Variants in SPG7 observed in about 807,000 individuals in gnomAD.
SPG7 encodes the protein SPG7 matrix AAA peptidase subunit, paraplegin.
SPG7 carries 103 observed loss-of-function variants against 81.9 expected under a neutral mutation model. The ratio of observed to expected loss-of-function variants is 1.26; its 90% confidence interval spans 1.07 to 1.48. The LOEUF is 1.48. Ranked by LOEUF, SPG7 falls within the 40% of genes most tolerant of loss-of-function variation. The probability of loss-of-function intolerance (pLI) is 0.00; values close to 1 mark genes in which losing one functional copy is unlikely to be tolerated. For synonymous variants in SPG7, 534 were observed against 444.2 expected (o/e 1.20, Z -2.54); for missense variants, 1,241 against 1,087.3 (o/e 1.14, Z -1.99).
chr16:89,553,677 C>T (rs529135441), intron 14 of SPG7, 117 bp from the exon 15 acceptor site: 160 of 1,002,504 alleles, frequency 1.6e-4, no homozygotes, highest in Middle Eastern at 2.5e-4. Context: ...GGTGGGTCCT[C>T]GGGAGGAAGG....
At chr16:89,544,265 A>C in intron 9 of SPG7, 1 of 317,006 alleles carries the variant, frequency 3.2e-6, no homozygotes, top group East Asian at 8.4e-5. Flanking sequence ...TCACAGCCTA[A>C]AGCTGGGTGT....
chr16:89,523,660 C>T (rs1233742839), intron 3 of SPG7: 3 of 470,002 alleles, frequency 6.4e-6, no homozygotes, highest in Admixed American at 4.7e-5. Flanking sequence ...CGGCTCACTG[C>T]AGCTTCAACC....
chr16:89,550,531 A>T lies in SPG7; in HGVS notation c.1701A>T (p.Glu567Asp). 2 of 1,614,044 alleles carry T rather than the reference A, an allele frequency of 1.2e-6. No homozygotes were observed. The highest frequency in any genetic ancestry group is 8.5e-7 in the Non-Finnish European group (1 of 1,180,010). ...AKKSKILSKE[E>D]QKVVAFHESG... ...AGAGCAAGATCCTGTCCAAGGAAGA[A>T]CAGAAAGTGGTTGCGTTTCATGAGT... Residue 567 changes from glutamate to aspartate, a missense_variant, in exon 13 of 17, where the codon GAA becomes GAT. Transcript: ENST00000645818.
At chr16:89,517,933 T>C (rs1276576652) in intron 3 of SPG7, 1 of 152,246 alleles carries the variant, frequency 6.6e-6, no homozygotes, top group Non-Finnish European at 1.5e-5. Flanking sequence ...GATTGTTTTA[T>C]GTTTATTCTG....
Position 89,553,097 on chromosome 16 carries a change from G to A in SPG7, c.1898G>A (p.Arg633Gln), listed in dbSNP as rs755972952. The A allele has an allele frequency of 1.2e-5, 20 of 1,612,686 alleles. No individual in the cohort carries two copies. Among genetic ancestry groups the A allele is most frequent in the African/African-American group, 9.3e-5 (7 of 74,906 alleles). Residue 633 changes from arginine to glutamine, a missense_variant, in exon 14 of 17, where the codon CGG (arginine) becomes CAG (glutamine). Coordinates refer to ENST00000645818, the MANE Select transcript of SPG7 (RefSeq NM_003119.4). Reference protein sequence around the residue: ...FERMCMALGGRASEALSFNEV... With the variant: ...FERMCMALGGQASEALSFNEV... ...CGGATGTGCATGGCCCTGGGAGGAC[G>A]GGCCTCGGAAGCACTGTCCTTCAAC...
chr16:89,544,922 G>A, intron 10 of SPG7, 150 bp downstream of exon 10: 2 of 920,062 alleles, frequency 2.2e-6, no homozygotes, highest in Non-Finnish European at 3.4e-6. Flanking sequence ...CCCCGCATCG[G>A]CTGCACGCCC....
rs185692760 is a variant in SPG7 at position 89,552,903 on chromosome 16, C to T, written c.1780-76C>T. The stretch of plus-strand genomic sequence containing the variant: ...TTTGAGACGCTTTAATGACGGAGAC[C>T]TCTTAGTCCCACACCTTCCTCCTCA... On this transcript the variant is annotated intron_variant, in intron 13 of 16. Transcript: ENST00000645818. 1.5e-3 allele frequency: 2,186 copies of T among 1,434,392 alleles called. 6 individuals are homozygous for T. The highest frequency in any genetic ancestry group is 2.0e-3 in the Non-Finnish European group (2,011 of 1,023,612). 88.9% of individuals were successfully genotyped at this position (1,434,392 alleles called of 1,614,324 possible).
intron 7 of SPG7, 103 bp downstream of exon 7, chr16:89,530,911 G>A (rs984016223): frequency 9.8e-6 from 15 of 1,530,306 alleles, no homozygotes; most frequent in African/African-American, 9.6e-5. Context: ...ATGACGTGTC[G>A]TGGGTTGGCG....
Position 89,531,952 on chromosome 16 carries a change from C to G in SPG7, c.1036C>G (p.Leu346Val). 1 of 1,614,144 alleles carries G rather than the reference C, an allele frequency of 6.2e-7. No individual in the cohort carries two copies. The change falls in exon 8 of 17, where the codon CTG (leucine) becomes GTG (valine). Residue 346 changes from leucine to valine, a missense_variant. Coordinates refer to ENST00000645818, the MANE Select transcript of SPG7 (RefSeq NM_003119.4). ...TGGCGCCAAGGTCCCAAAGGGCGCACTGCTGCTCGGCCCCCCCGGCTGTGG... is the reference window on the plus strand; with the variant it reads ...TGGCGCCAAGGTCCCAAAGGGCGCAGTGCTGCTCGGCCCCCCCGGCTGTGG... Reference protein sequence around the residue: ...QLGAKVPKGALLLGPPGCGKT... With the variant: ...QLGAKVPKGAVLLGPPGCGKT...
chr16:89,533,730 A>G (rs921915101), intron 9 of SPG7: 6 of 151,780 alleles, frequency 4.0e-5, no homozygotes, highest in Non-Finnish European at 7.4e-5. Context: ...TCTGGCTTTG[A>G]CAATTTTTTT....
chr16:89,529,894 C>G (rs564632075), intron 6 of SPG7: 1 of 389,210 alleles, frequency 2.6e-6, no homozygotes, highest in East Asian at 5.9e-5. Context: ...GGCTGGAGTG[C>G]AGCCGTGCGA....
At chr16:89,527,183 C>T (rs13338847) in intron 5 of SPG7, 2,059 of 154,440 alleles carry the variant, frequency 0.013, 47 homozygotes, top group African/African-American at 0.046. Context: ...CGTTTTTCCC[C>T]AGATACATTC....
At chr16:89,515,502 C>T (rs1171469549) in intron 3 of SPG7, among the ~76,000 whole-genome samples, 1 of 149,920 alleles carries the variant, frequency 6.7e-6, no homozygotes, top group South Asian at 2.1e-4. Flanking sequence ...CTCCTGACCT[C>T]GTGATCTCCC....
intron 5 of SPG7, 147 bp downstream of exon 5, chr16:89,526,615 A>G (rs1311831024): frequency 1.2e-6 from 1 of 831,106 alleles, no homozygotes; most frequent in Non-Finnish European, 2.0e-6. Flanking sequence ...TATAGAAGTG[A>G]ATGATACAAT....
At position 89,530,689 on chromosome 16, in the gene SPG7, C is replaced by T. The variant is rs1245315290; in HGVS notation, c.868C>T (p.Leu290Phe). ...CTTTGTTCTTTCTGCACAGAATCAG[C>T]TTAAAATGGCTCGTTTCACCATTGT... Reference protein sequence around the residue: ...REGGFSAFNQLKMARFTIVDG... With the variant: ...REGGFSAFNQFKMARFTIVDG... Residue 290 changes from leucine (L) to phenylalanine (F), a missense_variant, in exon 7 of 17, where the codon CTT becomes TTT. Physicochemically the swap from Leu to Phe is conservative, Grantham distance 22 (BLOSUM62 0). Transcript: ENST00000645818. 1 of 1,613,976 alleles carries T rather than the reference C, an allele frequency of 6.2e-7. No individual in the cohort carries two copies. Among genetic ancestry groups the T allele is most frequent in the Admixed American group, 1.7e-5 (1 of 60,002 alleles).
chr16:89,540,804 T>A, intron 9 of SPG7: 1 of 740,326 alleles, frequency 1.4e-6, no homozygotes, highest in South Asian at 6.1e-5. Flanking sequence ...TCCTGGGTGC[T>A]CATCCCAGGA....
intron 12 of SPG7, chr16:89,549,658 A>T (rs558267254): frequency 5.5e-6 from 1 of 180,488 alleles, no homozygotes. Flanking sequence ...ACAGAGTGAG[A>T]CCCTGTCACT....
At chr16:89,543,980 G>C (rs1370144128) in intron 9 of SPG7, 2 of 156,166 alleles carry the variant, frequency 1.3e-5, no homozygotes, top group African/African-American at 2.4e-5. Flanking sequence ...CCATAGTTTT[G>C]AATCTTATAT....
rs750796683 is a variant in SPG7 at position 89,524,199 on chromosome 16, C to T, written c.570C>T (p.Asp190=). The part of the protein sequence containing the change: ...VQRVQVVPES[D]VVEVYLHPGA... ...GCGTCCAGGTGGTGCCTGAGAGCGACGTGGTGGAAGTCTACCTGCACCCTG... is the reference window on the plus strand; with the variant it reads ...GCGTCCAGGTGGTGCCTGAGAGCGATGTGGTGGAAGTCTACCTGCACCCTG... Residue 190 remains aspartate (D), a synonymous_variant, in exon 4 of 17, where the codon GAC becomes GAT. Transcript: ENST00000645818. 38 of 1,613,614 alleles carry T rather than the reference C, an allele frequency of 2.4e-5. No homozygotes were observed. The highest frequency in any genetic ancestry group is 2.7e-5 in the Non-Finnish European group (32 of 1,179,986).
Sources: allele counts gnomAD v4.1 joint callset (sites outside exome capture counted in the v4.1 genomes callset), GRCh38; gene constraint gnomAD v4.1.1; transcripts MANE v1.5; gene names NCBI Gene and HGNC (gene_info 2026-07-23, HGNC 2026-07-21).